The following CNTN4 variants were observed in gnomAD, a reference collection of about 807,000 sequenced individuals.
The protein encoded by CNTN4 is contactin 4.
CNTN4 carries 77 observed loss-of-function variants against 122.5 expected under a neutral mutation model. That is an observed-to-expected ratio of 0.63 (90% CI 0.52 to 0.76). CNTN4 has a LOEUF of 0.76. Ranked by LOEUF, CNTN4 falls within the 30% of genes least tolerant of loss-of-function variation. CNTN4 has a pLI of 0.00. For synonymous variants in CNTN4, 512 were observed against 447.0 expected (o/e 1.15, Z -1.83); for missense variants, 1,256 against 1,259.1 (o/e 1.00, Z 0.04).
intron 4 of CNTN4, among the ~76,000 whole-genome samples, chr3:2,642,430 CT>C (rs2082937525): frequency 6.6e-6 from 1 of 152,164 alleles, no homozygotes; most frequent in Non-Finnish European, 1.5e-5. Context: ...AGGAACAATA[CT>C]TTGCATCATT....
At chr3:2,569,534 G>T (rs2079327922) in intron 3 of CNTN4, among the ~76,000 whole-genome samples, 1 of 152,120 alleles carries the variant, frequency 6.6e-6, no homozygotes, top group South Asian at 2.1e-4. Flanking sequence ...TAATATAAAT[G>T]TAATATATTT....
chr3:2,212,519 A>G (rs2038667243), intron 2 of CNTN4, among the ~76,000 whole-genome samples: 1 of 152,016 alleles, frequency 6.6e-6, no homozygotes, highest in Non-Finnish European at 1.5e-5. Flanking sequence ...TATTTATAAA[A>G]CCATCAGATC....
intron 3 of CNTN4, among the ~76,000 whole-genome samples, chr3:2,560,724 G>A (rs888883192): frequency 6.6e-6 from 1 of 152,098 alleles, no homozygotes; most frequent in Non-Finnish European, 1.5e-5. Flanking sequence ...GTGCACTGTT[G>A]CAGCCCTCTT....
At chr3:2,798,410 T>TA (rs2092265130) in intron 6 of CNTN4, among the ~76,000 whole-genome samples, 1 of 152,006 alleles carries the variant, frequency 6.6e-6, no homozygotes, top group Non-Finnish European at 1.5e-5. Flanking sequence ...TCTATCTATC[T>TA]CCCATTTTCT....
intron 4 of CNTN4, among the ~76,000 whole-genome samples, chr3:2,668,236 C>G (rs189854525): frequency 6.4e-4 from 98 of 152,150 alleles, no homozygotes; most frequent in Middle Eastern, 3.4e-3. Flanking sequence ...ATGGAATGTT[C>G]TTCCATTTGT....
intron 6 of CNTN4, among the ~76,000 whole-genome samples, chr3:2,808,287 A>T (rs1407730910): frequency 1.3e-5 from 2 of 152,014 alleles, no homozygotes; most frequent in East Asian, 3.9e-4. Flanking sequence ...TGGCCTCTTG[A>T]TGCATAACTT....
At chr3:2,348,030 C>T (rs1246663942) in intron 3 of CNTN4, among the ~76,000 whole-genome samples, 1 of 151,522 alleles carries the variant, frequency 6.6e-6, no homozygotes, top group Non-Finnish European at 1.5e-5. Flanking sequence ...TTTTTATTTC[C>T]ACATATAGTT....
chr3:2,928,339 C>G (rs2094491824), intron 13 of CNTN4, among the ~76,000 whole-genome samples: 2 of 152,128 alleles, frequency 1.3e-5, no homozygotes, highest in Non-Finnish European at 2.9e-5. Context: ...TGATTGTTTT[C>G]TCATTGGCAG....
intron 4 of CNTN4, among the ~76,000 whole-genome samples, chr3:2,705,741 T>C (rs1465677230): frequency 9.9e-6 from 1 of 100,990 alleles, no homozygotes; most frequent in Non-Finnish European, 1.7e-5. Context: ...ATATATGATA[T>C]ATATGATATA....
intron 6 of CNTN4, among the ~76,000 whole-genome samples, chr3:2,761,236 T>A (rs2090574763): frequency 6.6e-6 from 1 of 152,198 alleles, no homozygotes; most frequent in Non-Finnish European, 1.5e-5. Flanking sequence ...CTTAGGTCTT[T>A]CAGTCTTCCT....
chr3:2,804,737 C>CTTTAGTTTT (rs1553643947), intron 6 of CNTN4, among the ~76,000 whole-genome samples: 2 of 144,880 alleles, frequency 1.4e-5, no homozygotes, highest in African/African-American at 2.6e-5. Flanking sequence ...ATTTTGAGCA[C>CTTTAGTTTT]TTTTTTTTTG....
chr3:2,761,253 C>T (rs2063899), intron 6 of CNTN4, among the ~76,000 whole-genome samples: 101,316 of 151,794 alleles, frequency 0.67, 35,469 homozygotes, highest in Non-Finnish European at 0.78. Context: ...TCCTGTTGGC[C>T]TTGTACTTGC....
intron 2 of CNTN4, among the ~76,000 whole-genome samples, chr3:2,114,770 G>A (rs995718864): frequency 3.3e-5 from 5 of 152,188 alleles, no homozygotes; most frequent in Non-Finnish European, 7.4e-5. Flanking sequence ...GCTGTAGAAA[G>A]CCACTGCAAG....
chr3:2,559,076 G>T (rs577114798), intron 3 of CNTN4, among the ~76,000 whole-genome samples: 8 of 152,166 alleles, frequency 5.3e-5, no homozygotes, highest in African/African-American at 1.9e-4. Context: ...TACCTAACAG[G>T]CTATTACACT....
At chr3:2,232,222 A>C (rs189200608) in intron 2 of CNTN4, among the ~76,000 whole-genome samples, 65 of 152,282 alleles carry the variant, frequency 4.3e-4, no homozygotes, top group African/African-American at 7.2e-4. Flanking sequence ...CCTCATTTAA[A>C]TGTCTAAAGC....
At chr3:2,811,866 G>A (rs76987668) in intron 6 of CNTN4, among the ~76,000 whole-genome samples, 19,404 of 151,882 alleles carry the variant, frequency 0.13, 1,609 homozygotes, top group East Asian at 0.4. Flanking sequence ...GGGTTTCCCC[G>A]TGTTGGCCAG....
At chr3:2,313,430 GC>G (rs1050068915) in intron 2 of CNTN4, among the ~76,000 whole-genome samples, 7 of 151,974 alleles carry the variant, frequency 4.6e-5, no homozygotes, top group Admixed American at 1.3e-4. Context: ...AATGCAGTGT[GC>G]TGTCATCTTA....
intron 6 of CNTN4, among the ~76,000 whole-genome samples, chr3:2,787,678 T>C (rs2091880581): frequency 6.6e-6 from 1 of 152,232 alleles, no homozygotes; most frequent in Non-Finnish European, 1.5e-5. Flanking sequence ...TCTGAGTCTT[T>C]TTCCTCATCT....
chr3:2,733,643 C>T (rs1276354645), intron 4 of CNTN4, among the ~76,000 whole-genome samples: 1 of 149,478 alleles, frequency 6.7e-6, no homozygotes, highest in Non-Finnish European at 1.5e-5. Context: ...AAGAGATTCT[C>T]CTGCTTCAGC....
Sources: gnomAD v4.1 joint callset for allele counts (sites outside exome capture counted in the v4.1 genomes callset) on GRCh38, gnomAD v4.1.1 for gene constraint, MANE v1.5 for transcripts, NCBI Gene and HGNC (gene_info 2026-07-23, HGNC 2026-07-21) for gene names.